The following PHF24 variants were observed in gnomAD, a reference collection of about 807,000 sequenced individuals.
The protein encoded by PHF24 is PHD finger protein 24.
PHF24 carries 25 observed loss-of-function variants against 42.6 expected under a neutral mutation model. The ratio of observed to expected loss-of-function variants is 0.59; its 90% CI spans 0.43 to 0.82. PHF24 has a LOEUF of 0.82. Ranked by LOEUF, PHF24 falls within the 40% of genes least tolerant of loss-of-function variation. The pLI is 0.00. For synonymous variants in PHF24, 185 were observed against 204.8 expected, an observed-to-expected ratio of 0.90 and a Z score of 0.83; for missense variants, 470 against 538.1, an observed-to-expected ratio of 0.87 and a Z score of 1.25.
chr9:34,868,511 T>G, the PHF24 span, among the ~76,000 whole-genome samples: 1 of 152,222 alleles, frequency 6.6e-6, no homozygotes. Flanking sequence ...TGAAGCTCTG[T>G]CACTTTTAAC....
At chr9:34,872,655 C>T in the PHF24 span, among the ~76,000 whole-genome samples, 1 of 136,662 alleles carries the variant, frequency 7.3e-6, no homozygotes, top group African/African-American at 2.7e-5. Flanking sequence ...TGAATAATGC[C>T]GCAATAAACA....
the PHF24 span, among the ~76,000 whole-genome samples, chr9:34,783,494 C>G: frequency 1.3e-5 from 2 of 152,182 alleles, no homozygotes; most frequent in Non-Finnish European, 2.9e-5. Context: ...ATAGCCCTTA[C>G]CCTATCCTAA....
the PHF24 span, chr9:34,918,081 T>G: frequency 6.6e-7 from 1 of 1,510,634 alleles, no homozygotes; most frequent in Non-Finnish European, 9.2e-7. Flanking sequence ...CCTAACTGGA[T>G]TCCATGAAAC....
chr9:34,809,157 T>G, the PHF24 span, among the ~76,000 whole-genome samples: 1,113 of 152,166 alleles, frequency 7.3e-3, 12 homozygotes, highest in African/African-American at 0.024. This position sits in a 1 kb window ranked among gnomAD's most constrained non-coding sequence, Gnocchi z 4.1. Context: ...TTCTTGTTTG[T>G]ATCCCCCACA....
At chr9:34,917,982 A>C in the PHF24 span, 1 of 1,385,738 alleles carries the variant, frequency 7.2e-7, no homozygotes. Context: ...TCTGAAATAC[A>C]CTGGGGAGGC....
the PHF24 span, chr9:34,838,546 G>A: frequency 2.5e-6 from 3 of 1,189,876 alleles, no homozygotes; most frequent in African/African-American, 4.6e-5. Context: ...CGGCATTCAG[G>A]GTTCTGGTGC....
chr9:34,942,839 G>C, the PHF24 span, among the ~76,000 whole-genome samples: 1 of 151,688 alleles, frequency 6.6e-6, no homozygotes, highest in African/African-American at 2.4e-5. Context: ...TCACACACGG[G>C]AGCCTGTCAT....
the PHF24 span, among the ~76,000 whole-genome samples, chr9:34,795,110 C>A: frequency 3.3e-5 from 5 of 151,980 alleles, no homozygotes; most frequent in Non-Finnish European, 4.4e-5. Context: ...TATAGGGCAA[C>A]AAGATTTCAA....
the PHF24 span, among the ~76,000 whole-genome samples, chr9:34,851,873 A>C: frequency 6.6e-6 from 1 of 152,236 alleles, no homozygotes; most frequent in Non-Finnish European, 1.5e-5. Flanking sequence ...TAACTTTCAT[A>C]CTAAGGATAT....
At chr9:34,808,900 G>A in the PHF24 span, among the ~76,000 whole-genome samples, 2 of 111,170 alleles carry the variant, frequency 1.8e-5, no homozygotes, top group Non-Finnish European at 1.8e-5. Flanking sequence ...GGTGGGGGGA[G>A]GGGGGAGGGA....
chr9:34,856,309 C>A, the PHF24 span, among the ~76,000 whole-genome samples: 1 of 152,130 alleles, frequency 6.6e-6, no homozygotes, highest in African/African-American at 2.4e-5. Context: ...TAGTTCTGTG[C>A]CCTTGCTGGA....
At chr9:34,899,619 T>C in the PHF24 span, among the ~76,000 whole-genome samples, 1 of 152,148 alleles carries the variant, frequency 6.6e-6, no homozygotes, top group Non-Finnish European at 1.5e-5. Flanking sequence ...AGAGCTAGAA[T>C]TTCCAGGGAG....
the PHF24 span, among the ~76,000 whole-genome samples, chr9:34,764,888 T>C: frequency 1.3e-5 from 2 of 151,240 alleles, no homozygotes; most frequent in Non-Finnish European, 3.0e-5. Context: ...CCAGAGATTC[T>C]GGTATGTTGT....
the PHF24 span, among the ~76,000 whole-genome samples, chr9:34,861,505 T>A: frequency 6.6e-6 from 1 of 152,164 alleles, no homozygotes; most frequent in Non-Finnish European, 1.5e-5. Context: ...TTCTGTGCCA[T>A]AAAGTCTAGA....
the PHF24 span, among the ~76,000 whole-genome samples, chr9:34,853,993 A>G: frequency 3.3e-5 from 5 of 151,830 alleles, no homozygotes; most frequent in African/African-American, 1.2e-4. Flanking sequence ...GTTTCCTCCT[A>G]ATTTAGTCTT....
the PHF24 span, chr9:34,709,175 G>C: frequency 1.2e-5 from 7 of 606,718 alleles, no homozygotes; most frequent in African/African-American, 9.3e-5. Flanking sequence ...CTCCCTCCTC[G>C]GTCTCTCTGG....
intron 1 of PHF24, among the ~76,000 whole-genome samples, chr9:34,961,860 T>C (rs1826599318): frequency 6.6e-6 from 1 of 152,248 alleles, no homozygotes; most frequent in Non-Finnish European, 1.5e-5. Context: ...GTTGGCTGTT[T>C]GGTTTTGAGA....
At chr9:34,877,655 A>T in the PHF24 span, among the ~76,000 whole-genome samples, 13 of 152,172 alleles carry the variant, frequency 8.5e-5, no homozygotes, top group East Asian at 1.3e-3. Flanking sequence ...TTTTACCATA[A>T]TTTTTTTTAA....
chr9:34,901,913 A>G, the PHF24 span, among the ~76,000 whole-genome samples: 1 of 152,200 alleles, frequency 6.6e-6, no homozygotes, highest in Non-Finnish European at 1.5e-5. Context: ...CTTCAAAACG[A>G]GGAGGTAACT....
Sources: gnomAD v4.1 joint callset for allele counts (sites outside exome capture counted in the v4.1 genomes callset) on GRCh38, gnomAD v4.1.1 for gene constraint, Gnocchi (gnomAD v3.1) non-coding constraint, MANE v1.5 for transcripts, NCBI Gene and HGNC (gene_info 2026-07-23, HGNC 2026-07-21) for gene names.